Variants in QRFPR observed in about 807,000 individuals in gnomAD.
QRFPR encodes the protein pyroglutamylated RFamide peptide receptor.
QRFPR carries 37 observed loss-of-function variants against 31.3 expected under a neutral mutation model. The ratio of observed to expected loss-of-function variants is 1.18; its 90% CI spans 0.91 to 1.56. The LOEUF (loss-of-function observed/expected upper bound fraction) is 1.56. Ranked by LOEUF, QRFPR falls within the 40% of genes most tolerant of loss-of-function variation. The pLI, the probability that QRFPR is intolerant of heterozygous loss-of-function variation, is 0.00. For synonymous variants in QRFPR, 197 were observed against 192.0 expected (o/e 1.03, Z -0.22); for missense variants, 542 against 532.5 (o/e 1.02, Z -0.18).
In QRFPR at chr4:121,351,488, A is replaced by G. The variant is rs548617954; in HGVS notation, c.341-10878T>C. ...CTTTAGAAAGGTAACTGAGTTGCTT[A>G]AACTTTCCACTAATGACAAAAATTA... On this transcript the variant is annotated intron_variant, in intron 1 of 5. Transcript: ENST00000394427. 3.4e-4 allele frequency among the ~76,000 whole-genome samples: 52 copies of G among 152,342 alleles called. 1 individual carries two copies. In the South Asian group the frequency reaches 0.011, roughly 32 times the overall value.
At chr4:121,361,806 T>C (rs1725998534) in intron 1 of QRFPR, among the ~76,000 whole-genome samples, 1 of 150,118 alleles carries the variant, frequency 6.7e-6, no homozygotes, top group African/African-American at 2.5e-5. Context: ...AAGTTTGTAG[T>C]ATGACAACTT....
chr4:121,365,663 ATTTTATATATT>A (rs1560744326), intron 1 of QRFPR, among the ~76,000 whole-genome samples: 2 of 36,402 alleles, frequency 5.5e-5, no homozygotes, highest in Non-Finnish European at 9.3e-5. Context: ...TATTATATAT[ATTTTATATATT>A]ATATATATAT....
intron 3 of QRFPR, 30 bp from the exon 4 acceptor site, chr4:121,333,086 A>G (rs769585879): frequency 2.1e-6 from 3 of 1,446,148 alleles, no homozygotes; most frequent in Non-Finnish European, 2.9e-6. Context: ...CATTAAAAGA[A>G]CCAGTAGTCA....
At chr4:121,364,144 G>A (rs1184435168) in intron 1 of QRFPR, among the ~76,000 whole-genome samples, 1 of 149,806 alleles carries the variant, frequency 6.7e-6, no homozygotes. Flanking sequence ...TCAGTAGGAT[G>A]GCTCTGTATG....
chr4:121,331,442 C>T (rs910609421), intron 4 of QRFPR, among the ~76,000 whole-genome samples: 7 of 151,088 alleles, frequency 4.6e-5, no homozygotes, highest in African/African-American at 1.7e-4. Flanking sequence ...CTTCAGCCTC[C>T]CAAAGTGCTG....
intron 1 of QRFPR, among the ~76,000 whole-genome samples, chr4:121,342,418 A>G (rs1579573417): frequency 6.6e-6 from 1 of 152,068 alleles, no homozygotes; most frequent in East Asian, 1.9e-4. Flanking sequence ...TATCTCTAAA[A>G]TATCTTATTG....
rs370051541 is a variant in QRFPR, at chr4:121,336,822, G to A, written c.546C>T (p.His182=). 1.5e-3 allele frequency: 2,440 copies of A among 1,613,634 alleles called. 46 individuals carry two copies. In the South Asian group the frequency reaches 0.025, roughly 17 times the overall value. Residue 182 remains histidine (H), a synonymous_variant, in exon 3 of 6, where the codon CAC becomes CAT. Coordinates refer to ENST00000394427, the MANE Select transcript of QRFPR (RefSeq NM_198179.3). ...VAVIVGSPMW[H]VQQLEIKYDF... ...TGGAGTCTACCTCAAGTTGTTGCAC[G>A]TGCCACATGGGTGATCCTACGATGA... is the stretch of plus-strand genomic sequence containing the variant.
chr4:121,329,740 G>A, intron 5 of QRFPR, 26 bp from the exon 6 acceptor site: 1 of 1,402,210 alleles, frequency 7.1e-7, no homozygotes, highest in Non-Finnish European at 9.6e-7. Context: ...ATTTTAGAAT[G>A]TACGTTTATT....
intron 1 of QRFPR, among the ~76,000 whole-genome samples, chr4:121,344,995 T>C (rs768489195): frequency 2.0e-5 from 3 of 152,230 alleles, no homozygotes; most frequent in Non-Finnish European, 2.9e-5. Flanking sequence ...TACAGGATAA[T>C]TAGATGTTAG....
At chr4:121,369,145 C>T (rs1726183701) in intron 1 of QRFPR, among the ~76,000 whole-genome samples, 1 of 152,202 alleles carries the variant, frequency 6.6e-6, no homozygotes, top group South Asian at 2.1e-4. Flanking sequence ...TCTCCTGCCT[C>T]AGCCTCCCAA....
chr4:121,334,201 A>G (rs760093379), intron 3 of QRFPR, among the ~76,000 whole-genome samples: 3 of 152,148 alleles, frequency 2.0e-5, no homozygotes, highest in Non-Finnish European at 4.4e-5. Flanking sequence ...GATCAGGTTC[A>G]CATAGCCCTA....
At chr4:121,369,403 T>C in intron 1 of QRFPR, 3 of 733,128 alleles carry the variant, frequency 4.1e-6, no homozygotes, top group Non-Finnish European at 7.1e-6. Context: ...AAACCTTCTT[T>C]ACCAGAATCC....
intron 1 of QRFPR, among the ~76,000 whole-genome samples, chr4:121,375,804 G>A (rs506955): frequency 0.79 from 119,851 of 152,068 alleles, 48,191 homozygotes; most frequent in Middle Eastern, 0.84. Flanking sequence ...ACAGAGATAG[G>A]GACATAAAGG....
chr4:121,363,987 C>T (rs572894569), intron 1 of QRFPR, among the ~76,000 whole-genome samples: 6 of 149,912 alleles, frequency 4.0e-5, no homozygotes, highest in East Asian at 4.0e-4. Flanking sequence ...AACCAGACAG[C>T]GAGAAAGTCT....
chr4:121,374,297 A>T (rs1292415561), intron 1 of QRFPR, among the ~76,000 whole-genome samples: 1 of 152,238 alleles, frequency 6.6e-6, no homozygotes, highest in Non-Finnish European at 1.5e-5. Context: ...TTTTCTAAGC[A>T]TTCTGACTGC....
intron 1 of QRFPR, among the ~76,000 whole-genome samples, chr4:121,347,143 T>C (rs1190909684): frequency 6.6e-6 from 1 of 152,188 alleles, no homozygotes; most frequent in Non-Finnish European, 1.5e-5. Flanking sequence ...TGAAATCACC[T>C]GGGTTTGGAA....
intron 3 of QRFPR, 94 bp downstream of exon 3, chr4:121,336,713 G>T: frequency 1.1e-6 from 1 of 939,092 alleles, no homozygotes; most frequent in Non-Finnish European, 1.8e-6. Flanking sequence ...ATACAAATTT[G>T]CTGTATTGCT....
intron 4 of QRFPR, 81 bp from the exon 5 acceptor site, chr4:121,330,604 G>A (rs1725303821): frequency 1.0e-6 from 1 of 1,003,010 alleles, no homozygotes; most frequent in East Asian, 2.4e-5. Context: ...ATTAAAGTCT[G>A]AGCTTAGTTC....
At chr4:121,365,573 A>AT (rs1560743820) in intron 1 of QRFPR, among the ~76,000 whole-genome samples, 18 of 7,074 alleles carry the variant, frequency 2.5e-3, no homozygotes, top group Admixed American at 6.7e-3. Flanking sequence ...TATTATATAT[A>AT]ATATATATTA....
Sources: gnomAD v4.1 joint callset for allele counts (sites outside exome capture counted in the v4.1 genomes callset) on GRCh38, gnomAD v4.1.1 for gene constraint, MANE v1.5 for transcripts, NCBI Gene and HGNC (gene_info 2026-07-23, HGNC 2026-07-21) for gene names.